Variants in ATP8B4 observed in about 807,000 individuals in gnomAD.
ATP8B4 encodes ATPase phospholipid transporting 8B4 (putative), also known as probable phospholipid-transporting ATPase IM.
ATP8B4 carries 133 observed loss-of-function variants against 145.6 expected under a neutral mutation model. The ratio of observed to expected loss-of-function variants is 0.91; its 90% CI spans 0.79 to 1.05. The LOEUF (loss-of-function observed/expected upper bound fraction) is 1.05. Ranked by LOEUF, ATP8B4 falls within the 50% of genes least tolerant of loss-of-function variation. The pLI is 0.00. For synonymous variants in ATP8B4, 507 were observed against 492.9 expected (o/e 1.03, Z -0.38); for missense variants, 1,458 against 1,425.2 (o/e 1.02, Z -0.37).
At chr15:50,130,676 T>C in intron 1 of ATP8B4, among the ~76,000 whole-genome samples, 1 of 152,060 alleles carries the variant, frequency 6.6e-6, no homozygotes, top group East Asian at 1.9e-4. Flanking sequence ...CTCAGGAGGC[T>C]GAGGCAGGAG....
chr15:49,892,281 G>C (rs1278785321), intron 23 of ATP8B4, among the ~76,000 whole-genome samples: 1 of 152,004 alleles, frequency 6.6e-6, no homozygotes, highest in Non-Finnish European at 1.5e-5. Flanking sequence ...AGCTATAAAA[G>C]AATACGATTG....
intron 3 of ATP8B4, among the ~76,000 whole-genome samples, chr15:50,073,093 A>G (rs909546919): frequency 4.1e-5 from 6 of 145,516 alleles, no homozygotes; most frequent in Admixed American, 6.9e-5. Flanking sequence ...GTGTATATAT[A>G]TGTGTGTGTG....
In ATP8B4 at chr15:49,879,471, TATAAC is replaced by T. The variant is rs762949485; in HGVS notation, c.2698-17_2698-13del. On this transcript the variant is annotated splice_polypyrimidine_tract_variant and intron_variant, in intron 23 of 27. Transcript: ENST00000284509. ...TGGTCATAAACAGTCTGAAAAGAAA[TATAAC>T]ATATAAGTGAGAAACATCATCCATA... is the stretch of plus-strand genomic sequence containing the variant. 5.1e-5 allele frequency: 80 copies of T among 1,576,468 alleles called. No homozygotes were observed. Among genetic ancestry groups the T allele is most frequent in the Middle Eastern group, 3.5e-4 (2 of 5,788 alleles).
chr15:50,169,180 C>T (rs1204212382), intron 1 of ATP8B4, among the ~76,000 whole-genome samples: 1 of 152,244 alleles, frequency 6.6e-6, no homozygotes, highest in Non-Finnish European at 1.5e-5. Flanking sequence ...ACTACTACAG[C>T]TGATGCTTCC....
At position 50,173,983 on chromosome 15, in the gene ATP8B4, T is replaced by C. The variant is rs1332462064; in HGVS notation, c.-43+8278A>G. 2.6e-5 allele frequency among the ~76,000 whole-genome samples: 4 copies of C among 152,280 alleles called. No homozygotes were observed. The East Asian group carries it at 7.7e-4, about 29-fold the overall frequency. On this transcript the variant is annotated intron_variant, in intron 1 of 3. Transcript: ENST00000558829. ...TTTCATACCGGGGATGCAGGGATGG[T>C]TTCACGTACTCAAGCCAATAAATGT... is the stretch of plus-strand genomic sequence containing the variant.
At chr15:50,169,641 C>A (rs536143768) in intron 1 of ATP8B4, among the ~76,000 whole-genome samples, 29 of 152,314 alleles carry the variant, frequency 1.9e-4, no homozygotes, top group African/African-American at 6.7e-4. Context: ...CCCAAAAGAT[C>A]ACACTAGTTC....
intron 1 of ATP8B4, among the ~76,000 whole-genome samples, chr15:50,171,790 A>G (rs1457738844): frequency 1.3e-5 from 2 of 152,178 alleles, no homozygotes; most frequent in African/African-American, 4.8e-5. Context: ...TTCTTTGAAA[A>G]GATAAATAAA....
At chr15:50,056,816 C>T (rs543546610) in intron 3 of ATP8B4, among the ~76,000 whole-genome samples, 3 of 151,710 alleles carry the variant, frequency 2.0e-5, no homozygotes, top group African/African-American at 4.8e-5. Context: ...TGTGTATACA[C>T]ACATATAAAT....
intron 12 of ATP8B4, among the ~76,000 whole-genome samples, chr15:49,979,030 A>G (rs1451764064): frequency 6.6e-6 from 1 of 152,154 alleles, no homozygotes; most frequent in Admixed American, 6.5e-5. Context: ...GTTACTAATA[A>G]TAGGAAAAGC....
At chr15:50,133,178 T>C (rs1002280514) in intron 1 of ATP8B4, among the ~76,000 whole-genome samples, 1 of 152,176 alleles carries the variant, frequency 6.6e-6, no homozygotes, top group Non-Finnish European at 1.5e-5. Flanking sequence ...AGAAAATCCT[T>C]CCATTTGTGA....
chr15:49,875,331 G>C (rs2034245753), intron 25 of ATP8B4, among the ~76,000 whole-genome samples: 1 of 152,142 alleles, frequency 6.6e-6, no homozygotes, highest in Admixed American at 6.5e-5. Flanking sequence ...AGCCAGAGGT[G>C]AATCAGCTGT....
At chr15:49,897,184 T>TA (rs752448682) in intron 23 of ATP8B4, 108 bp downstream of exon 23, 1 of 1,082,958 alleles carries the variant, frequency 9.2e-7, no homozygotes, top group Non-Finnish European at 1.3e-6. Flanking sequence ...AATCAGCCAT[T>TA]AAAAAATGCT....
intron 12 of ATP8B4, among the ~76,000 whole-genome samples, chr15:49,975,516 T>G (rs991888840): frequency 1.3e-5 from 2 of 152,168 alleles, no homozygotes; most frequent in Non-Finnish European, 2.9e-5. Flanking sequence ...AAGAAAAAAC[T>G]CTGTACATGT....
chr15:50,092,230 C>T (rs1437580212), intron 2 of ATP8B4, among the ~76,000 whole-genome samples: 1 of 151,994 alleles, frequency 6.6e-6, no homozygotes, highest in African/African-American at 2.4e-5. Flanking sequence ...TATCTCGGTC[C>T]CTGATTGGAT....
At chr15:50,134,806 G>A (rs2153679243) in intron 1 of ATP8B4, among the ~76,000 whole-genome samples, 1 of 152,320 alleles carries the variant, frequency 6.6e-6, no homozygotes, top group African/African-American at 2.4e-5. Flanking sequence ...TAATGGCTAG[G>A]GGAATGTTGG....
chr15:50,023,506 C>G (rs2049753074), intron 6 of ATP8B4, among the ~76,000 whole-genome samples: 1 of 152,136 alleles, frequency 6.6e-6, no homozygotes, highest in Admixed American at 6.5e-5. Flanking sequence ...ATCTATTACT[C>G]TAAAATGCTC....
intron 19 of ATP8B4, 63 bp from the exon 20 acceptor site, chr15:49,917,102 T>C: frequency 6.6e-7 from 1 of 1,516,080 alleles, no homozygotes; most frequent in Non-Finnish European, 9.1e-7. Context: ...CCATTTTTAA[T>C]GAAAGTTTTG....
chr15:49,990,992 T>G (rs2047001950), intron 9 of ATP8B4, among the ~76,000 whole-genome samples: 1 of 152,156 alleles, frequency 6.6e-6, no homozygotes, highest in South Asian at 2.1e-4. Context: ...ACTCTTCAAC[T>G]GTCAAGGCTC....
intron 14 of ATP8B4, among the ~76,000 whole-genome samples, chr15:49,952,590 T>C (rs963926039): frequency 6.6e-6 from 1 of 152,208 alleles, no homozygotes; most frequent in Non-Finnish European, 1.5e-5. Flanking sequence ...CAGTTAGCAA[T>C]TCCTCTAACC....
Sources: gnomAD v4.1 joint callset for allele counts (sites outside exome capture counted in the v4.1 genomes callset) on GRCh38, gnomAD v4.1.1 for gene constraint, MANE v1.5 for transcripts, NCBI Gene and HGNC (gene_info 2026-07-23, HGNC 2026-07-21) for gene names.